YBX1: variants seen among roughly 807,000 people sequenced by gnomAD.
YBX1 encodes the protein Y-box-binding protein 1.
Under a neutral mutation model 41.4 loss-of-function variants are expected in YBX1, and 3 were observed. That is an observed-to-expected ratio of 0.07 (90% CI 0.03 to 0.19). The LOEUF is 0.19. Among genes scored for constraint, YBX1 ranks in the 10% least tolerant of loss-of-function variants. The pLI is 1.00. For missense variants in YBX1, 274 were observed against 462.8 expected, an observed-to-expected ratio of 0.59 and a Z score of 3.74; for synonymous variants, 133 against 165.8, an observed-to-expected ratio of 0.80 and a Z score of 1.52.
In YBX1 at chr1:42,699,333, C is replaced by A. The variant is rs573989744; in HGVS notation, c.741-1448C>A. On this transcript the variant is annotated intron_variant, in intron 6 of 7. Transcript: ENST00000321358. ...AGTTTGAAAAGTTTGGGGCAAAGAA[C>A]CCTCTAGAACAGAAAATAGAGATGG... is the stretch of plus-strand genomic sequence containing the variant. 3.9e-5 allele frequency among the ~76,000 whole-genome samples: 6 copies of A among 152,260 alleles called. No homozygotes were observed. In the South Asian group the frequency reaches 1.2e-3, roughly 32 times the overall value.
At chr1:42,700,309 GTATCTT>G (rs1319740867) in intron 6 of YBX1, among the ~76,000 whole-genome samples, 2 of 152,062 alleles carry the variant, frequency 1.3e-5, no homozygotes, top group African/African-American at 4.8e-5. Flanking sequence ...CCAAAATTTA[GTATCTT>G]TATCTTGGTG....
Position 42,682,654 on chromosome 1 carries a change from C to A in YBX1, c.89C>A (p.Thr30Lys). Residue 30 changes from threonine to lysine, a missense_variant, in exon 1 of 8, where the codon ACG becomes AAG. By Grantham distance (78) the Thr-to-Lys change is moderately conservative. Around this residue, in one of 3 missense-constraint regions of YBX1, gnomAD observed 84 missense variants for 130.8 expected, o/e 0.64. Transcript: ENST00000321358. ...GCCGCCGACACCAAGCCCGGCACTA[C>A]GGGCAGCGGCGCAGGGAGCGGTGGC... is the stretch of plus-strand genomic sequence containing the variant. ...LSAADTKPGT[T>K]GSGAGSGGPG... is the part of the protein sequence containing the mutation. The A allele has an allele frequency of 7.4e-7, 1 of 1,343,318 alleles. No homozygotes were observed. Among genetic ancestry groups the A allele is most frequent in the Non-Finnish European group, 9.5e-7 (1 of 1,055,612 alleles). 83.2% of individuals were successfully genotyped at this position (1,343,318 alleles called of 1,614,324 possible).
rs200382855 is a variant in YBX1 at position 42,696,779 on chromosome 1, T to C, written c.492T>C (p.Asn164=). The part of the protein sequence containing the change: ...PPRNYQQNYQ[N]SESGEKNEGS... ...GCAATTACCAGCAAAATTACCAGAA[T>C]AGTGAGAGTGGGGAAAAGAACGAGG... Residue 164 remains asparagine, a synonymous_variant, in exon 5 of 8, where the codon AAT becomes AAC. Coordinates refer to ENST00000321358, the MANE Select transcript of YBX1 (RefSeq NM_004559.5). This position sits in a 1 kb window ranked among gnomAD's most constrained non-coding sequence, Gnocchi z 5.7. 6.2e-7 allele frequency: 1 copy of C among 1,613,702 alleles called. No homozygotes were observed. The highest frequency in any genetic ancestry group is 1.1e-5 in the South Asian group (1 of 91,072).
intron 6 of YBX1, among the ~76,000 whole-genome samples, chr1:42,699,889 A>G (rs1232731929): frequency 1.3e-5 from 2 of 152,246 alleles, no homozygotes; most frequent in African/African-American, 2.4e-5. Flanking sequence ...ACCCAGGTAG[A>G]AAACAGCTGG....
At chr1:42,684,474 G>A (rs370705437) in intron 2 of YBX1, among the ~76,000 whole-genome samples, 2 of 152,160 alleles carry the variant, frequency 1.3e-5, no homozygotes, top group African/African-American at 2.4e-5. Context: ...ATGATTAAAA[G>A]AACAATGTGG....
At chr1:42,695,530 G>A (rs1423578527) in intron 3 of YBX1, among the ~76,000 whole-genome samples, 1 of 152,328 alleles carries the variant, frequency 6.6e-6, no homozygotes. Flanking sequence ...AGAAACGTGA[G>A]ATGTTACTCT....
Position 42,696,978 on chromosome 1 carries a change from AGTT to A in YBX1, c.657+35_657+37del, listed in dbSNP as rs1244704805. The A allele has an allele frequency of 2.6e-6, 4 of 1,526,656 alleles. No homozygotes were observed. In the African/African-American group the frequency reaches 5.5e-5, roughly 21 times the overall value. 94.6% of individuals were successfully genotyped at this position (1,526,656 alleles called of 1,614,324 possible). The stretch of plus-strand genomic sequence containing the variant: ...CACCATCAACAACAGCAATGTGATA[AGTT>A]CTGGTAGGACTGTTTAGAGCTGTTA... On this transcript the variant is annotated intron_variant, in intron 5 of 7. Transcript: ENST00000321358. The surrounding 1 kb of genome is among the most constrained non-coding windows in gnomAD (Gnocchi z 5.7).
chr1:42,691,000 C>T (rs114178622), intron 2 of YBX1, among the ~76,000 whole-genome samples: 47 of 152,268 alleles, frequency 3.1e-4, no homozygotes, highest in Admixed American at 1.2e-3. Flanking sequence ...GAGAGTGACA[C>T]CTGCACCCAG....
In YBX1 at chr1:42,696,516, C is replaced by T; in HGVS notation, c.355-126C>T. The T allele has an allele frequency of 1.4e-6, 1 of 694,026 alleles. No individual in the cohort carries two copies. The highest frequency in any genetic ancestry group is 1.8e-5 in the African/African-American group (1 of 55,406). The allele number at this position is 694,026 out of a possible 1,614,324, so 43.0% of individuals were successfully genotyped here. Reference sequence around the variant, plus strand: ...ACCCCTGGTCACGCAGTTGCGCCCCCCCCCCCTTTTTTTTCCTTAACTTTG... The same window carrying T: ...ACCCCTGGTCACGCAGTTGCGCCCCTCCCCCCTTTTTTTTCCTTAACTTTG... On this transcript the variant is annotated intron_variant, in intron 4 of 7. Coordinates refer to ENST00000321358, the MANE Select transcript of YBX1 (RefSeq NM_004559.5). The surrounding 1 kb of genome is among the most constrained non-coding windows in gnomAD (Gnocchi z 5.7).
Position 42,685,033 on chromosome 1 carries a change from C to T in YBX1, c.230+1567C>T, listed in dbSNP as rs115870895. On this transcript the variant is annotated intron_variant, in intron 2 of 7. Coordinates refer to ENST00000321358, the MANE Select transcript of YBX1 (RefSeq NM_004559.5). ...ATACCTTCAAAATCACTGCTTTTAA[C>T]CCTTGACCCAATGTAATGGTAACTC... 3.5e-3 allele frequency among the ~76,000 whole-genome samples: 534 copies of T among 152,284 alleles called. 3 individuals are homozygous for T. Among genetic ancestry groups the T allele is most frequent in the African/African-American group, 0.012 (510 of 41,568 alleles).
intron 2 of YBX1, among the ~76,000 whole-genome samples, chr1:42,684,695 C>T (rs1650148775): frequency 6.6e-6 from 1 of 152,152 alleles, no homozygotes; most frequent in Admixed American, 6.5e-5. Flanking sequence ...TGTTTGCTTT[C>T]CTGGCTGGCC....
chr1:42,687,618 C>T lies in YBX1; in HGVS notation c.230+4152C>T, dbSNP rs576119467. Among the ~76,000 whole-genome samples the T allele has an allele frequency of 3.5e-4, 53 of 151,946 alleles. No homozygotes were observed. The Middle Eastern group carries it at 0.02, about 59-fold the overall frequency. The stretch of plus-strand genomic sequence containing the variant: ...ATTTTTTTTTCTTTTTTAAAGGTGG[C>T]GGTGTAAAGTACTTACTGTGTGGTT... On this transcript the variant is annotated intron_variant, in intron 2 of 7. Coordinates refer to ENST00000321358, the MANE Select transcript of YBX1 (RefSeq NM_004559.5).
intron 3 of YBX1, among the ~76,000 whole-genome samples, chr1:42,695,669 A>G (rs746997646): frequency 6.6e-6 from 1 of 152,230 alleles, no homozygotes; most frequent in Non-Finnish European, 1.5e-5. Context: ...GACATAGTTA[A>G]TACACATGAA....
chr1:42,688,331 A>G (rs1650247658), intron 2 of YBX1, among the ~76,000 whole-genome samples: 2 of 152,212 alleles, frequency 1.3e-5, no homozygotes, highest in African/African-American at 4.8e-5. Flanking sequence ...CCCCCAAAAT[A>G]AGGAAAAGTT....
rs1176230796 is a variant in YBX1, at chr1:42,696,465, G to A, written c.354+177G>A. 6.7e-6 allele frequency among the ~76,000 whole-genome samples: 1 copy of A among 150,372 alleles called. No homozygotes were observed. Among genetic ancestry groups the A allele is most frequent in the Non-Finnish European group, 1.5e-5 (1 of 67,792 alleles). ...AGGGCAATCTCTTCAGAACAGTGAG[G>A]AACTGATATTTAGTCATTTCTGTGC... On this transcript the variant is annotated intron_variant, in intron 4 of 7. Transcript: ENST00000321358. The surrounding 1 kb of genome is among the most constrained non-coding windows in gnomAD (Gnocchi z 5.7).
Position 42,696,110 on chromosome 1 carries a change from G to A in YBX1, c.265-89G>A, listed in dbSNP as rs1650453187. ...AAGCAAATCTTAAGTGTATATCCAA[G>A]CTAAAATAATATTGACTCTGGTACA... On this transcript the variant is annotated intron_variant, in intron 3 of 7. Coordinates refer to ENST00000321358, the MANE Select transcript of YBX1 (RefSeq NM_004559.5). This position sits in a 1 kb window ranked among gnomAD's most constrained non-coding sequence, Gnocchi z 5.7. 1.7e-6 allele frequency: 2 copies of A among 1,187,980 alleles called. No individual in the cohort carries two copies. The highest frequency in any genetic ancestry group is 2.4e-6 in the Non-Finnish European group (2 of 846,516). 73.6% of individuals were successfully genotyped at this position (1,187,980 alleles called of 1,614,324 possible).
intron 2 of YBX1, among the ~76,000 whole-genome samples, chr1:42,688,751 C>A (rs890585501): frequency 6.6e-6 from 1 of 152,188 alleles, no homozygotes; most frequent in Admixed American, 6.5e-5. Flanking sequence ...AGAAAAAGTT[C>A]AGTTGCTCGA....
Position 42,702,592 on chromosome 1 carries a change from A to G in YBX1, c.*643A>G, listed in dbSNP as rs1432923490. Among the ~76,000 whole-genome samples the G allele has an allele frequency of 6.6e-6, 1 of 152,182 alleles. No individual in the cohort carries two copies. The highest frequency in any genetic ancestry group is 1.5e-5 in the Non-Finnish European group (1 of 68,020). On this transcript the variant is annotated 3_prime_UTR_variant, in exon 8 of 8. Transcript: ENST00000321358. ...AGGATTTAGCTCATTTGTAAGAAAG[A>G]CTTGAGTGTAGATTTTGGGTGGGTC...
At chr1:42,692,759 C>A (rs10493112) in intron 2 of YBX1, among the ~76,000 whole-genome samples, 74,632 of 152,092 alleles carry the variant, frequency 0.49, 18,562 homozygotes, top group African/African-American at 0.54. Flanking sequence ...TCTTGCTCCT[C>A]GTGTTATCAC....
Sources: allele counts gnomAD v4.1 joint callset (sites outside exome capture counted in the v4.1 genomes callset), GRCh38; gene constraint gnomAD v4.1.1; regional missense constraint gnomAD v4.1.1; non-coding constraint Gnocchi (gnomAD v3.1); transcripts MANE v1.5; gene names NCBI Gene and HGNC (gene_info 2026-07-23, HGNC 2026-07-21).